The following SP3 variants were observed in gnomAD, a reference collection of about 807,000 sequenced individuals.
SP3 encodes Sp3 transcription factor.
Under a neutral mutation model 70.3 loss-of-function variants are expected in SP3, and 10 were observed. That is an observed-to-expected ratio of 0.14 (90% CI 0.09 to 0.24). The LOEUF (loss-of-function observed/expected upper bound fraction) is 0.24, where lower values mean the gene tolerates loss of function less well. Among genes scored for constraint, SP3 ranks in the 10% least tolerant of loss-of-function variants. The probability of loss-of-function intolerance (pLI) is 1.00; values close to 1 mark genes in which losing one functional copy is unlikely to be tolerated. For synonymous variants in SP3, 402 were observed against 333.5 expected (o/e 1.21, Z -2.24); for missense variants, 825 against 914.6 (o/e 0.90, Z 1.26).
intron 1 of SP3, 131 bp from the exon 2 acceptor site, chr2:173,964,684 C>CCGGTGG: frequency 2.6e-6 from 1 of 378,194 alleles, no homozygotes; most frequent in African/African-American, 2.7e-5. Context: ...CACCCGCCCC[C>CCGGTGG]CGGCGGCGGC....
At chr2:173,956,941 G>A (rs2105500914) in intron 3 of SP3, among the ~76,000 whole-genome samples, 1 of 152,228 alleles carries the variant, frequency 6.6e-6, no homozygotes, top group East Asian at 1.9e-4. Context: ...TATACCTTTT[G>A]TATTCTGGTG....
chr2:173,961,923 T>C (rs1691093448), intron 3 of SP3, among the ~76,000 whole-genome samples: 1 of 145,504 alleles, frequency 6.9e-6, no homozygotes, highest in Admixed American at 7.1e-5. Context: ...ACATCATAAA[T>C]ATATGGTTTG....
At chr2:173,912,110 C>T (rs775488557) in intron 6 of SP3, among the ~76,000 whole-genome samples, 20 of 152,202 alleles carry the variant, frequency 1.3e-4, no homozygotes, top group Admixed American at 3.9e-4. Context: ...TGGGCCAGCA[C>T]GCCCTGCAGC....
chr2:173,909,938 T>C lies in SP3; in HGVS notation c.*3A>G, dbSNP rs769876944. The C allele has an allele frequency of 5.0e-6, 8 of 1,607,816 alleles. No homozygotes were observed. Among genetic ancestry groups the C allele is most frequent in the Non-Finnish European group, 6.8e-6 (8 of 1,174,412 alleles). ...CCACAATGAATAAGTATTTGTGTAA[T>C]ATTTACTCCATTGTCTCATTTCCAG... is the stretch of plus-strand genomic sequence containing the variant. On this transcript the variant is annotated 3_prime_UTR_variant, in exon 7 of 7. Coordinates refer to ENST00000310015, the MANE Select transcript of SP3 (RefSeq NM_003111.5).
rs146574394 is a variant in SP3 at position 173,931,960 on chromosome 2, T to C, written c.1640-13175A>G. Among the ~76,000 whole-genome samples, 963 of 152,310 alleles carry C rather than the reference T, an allele frequency of 6.3e-3. 25 individuals are homozygous for C. The highest frequency in any genetic ancestry group is 0.01 in the East Asian group (54 of 5,176). ...CAGCAATGAGACTGTTTTGCTTTCTTATCACGTGTTCACTGGACTAGGACT... is the reference window on the plus strand; with the variant it reads ...CAGCAATGAGACTGTTTTGCTTTCTCATCACGTGTTCACTGGACTAGGACT... On this transcript the variant is annotated intron_variant, in intron 4 of 6. Coordinates refer to ENST00000310015, the MANE Select transcript of SP3 (RefSeq NM_003111.5).
rs373615718 is a variant in SP3 at position 173,913,019 on chromosome 2, T to C, written c.2029+51A>G. The C allele has an allele frequency of 1.9e-5, 26 of 1,368,858 alleles. No individual in the cohort carries two copies. In the African/African-American group the frequency reaches 3.2e-4, roughly 17 times the overall value. 84.8% of individuals were successfully genotyped at this position (1,368,858 alleles called of 1,614,324 possible). Reference sequence around the variant, plus strand: ...GCTAATAAAAAAGAAGTCAAGGCAGTTATGTAGCCCTATAATTCATTTTTG... The same window carrying C: ...GCTAATAAAAAAGAAGTCAAGGCAGCTATGTAGCCCTATAATTCATTTTTG... On this transcript the variant is annotated intron_variant, in intron 6 of 6. Transcript: ENST00000310015.
intron 3 of SP3, among the ~76,000 whole-genome samples, chr2:173,961,258 A>AAC (rs1221669355): frequency 1.3e-5 from 2 of 152,232 alleles, no homozygotes; most frequent in Non-Finnish European, 2.9e-5. Context: ...TGGGTAACCA[A>AAC]ACACCCTTGG....
intron 2 of SP3, chr2:173,964,187 A>T: frequency 2.2e-6 from 1 of 447,640 alleles, no homozygotes; most frequent in Non-Finnish European, 3.9e-6. Context: ...GCCCACACTC[A>T]CACGCGCACA....
chr2:173,930,766 A>C (rs567717377), intron 4 of SP3, among the ~76,000 whole-genome samples: 1 of 152,340 alleles, frequency 6.6e-6, no homozygotes, highest in Admixed American at 6.5e-5. Flanking sequence ...TTTTTGTTAG[A>C]GCATACTATT....
At chr2:173,921,833 C>A (rs1243654705) in intron 4 of SP3, among the ~76,000 whole-genome samples, 2 of 152,168 alleles carry the variant, frequency 1.3e-5, no homozygotes, top group African/African-American at 4.8e-5. Context: ...AATGGTTTAG[C>A]ACCACTGTCT....
intron 4 of SP3, among the ~76,000 whole-genome samples, chr2:173,936,401 C>T (rs1217898584): frequency 1.3e-5 from 2 of 152,278 alleles, no homozygotes; most frequent in South Asian, 2.1e-4. Flanking sequence ...GATTTATTCA[C>T]GTTATTCCTC....
At chr2:173,964,670 C>G in intron 1 of SP3, 117 bp from the exon 2 acceptor site, 1 of 428,508 alleles carries the variant, frequency 2.3e-6, no homozygotes, top group Non-Finnish European at 4.1e-6. Flanking sequence ...CCCTTCCCCT[C>G]CCCCACCCGC....
chr2:173,964,563 C>G lies in SP3; in HGVS notation c.8-10G>C, dbSNP rs1314108952. ...ACGGGCTTTTCGGGAGCTGCAGGCA[C>G]AGCGCGGGGGGGTGGGGGTGGGGAG... On this transcript the variant is annotated splice_polypyrimidine_tract_variant and intron_variant, in intron 1 of 6. Transcript: ENST00000310015. 10 of 599,752 alleles carry G rather than the reference C, an allele frequency of 1.7e-5. No homozygotes were observed. The highest frequency in any genetic ancestry group is 1.6e-4 in the Admixed American group (7 of 44,322). The allele number at this position is 599,752 out of a possible 1,614,324, so 37.2% of individuals were successfully genotyped here.
intron 5 of SP3, among the ~76,000 whole-genome samples, chr2:173,917,987 C>G (rs911836639): frequency 4.0e-5 from 6 of 149,012 alleles, no homozygotes; most frequent in Admixed American, 1.4e-4. Context: ...CAGTCTGGAT[C>G]TTGTTTTTTT....
rs1357170145 is a variant in SP3, at chr2:173,913,052, A to C, written c.2029+18T>G. 1.3e-6 allele frequency: 2 copies of C among 1,529,862 alleles called. No individual in the cohort carries two copies. Among genetic ancestry groups the C allele is most frequent in the African/African-American group, 2.8e-5 (2 of 72,582 alleles). The allele number at this position is 1,529,862 out of a possible 1,614,324, so 94.8% of individuals were successfully genotyped here. A position where few individuals can be genotyped will look rare whatever the true frequency, so the allele number is the denominator to read the frequency against. On this transcript the variant is annotated intron_variant, in intron 6 of 6. Coordinates refer to ENST00000310015, the MANE Select transcript of SP3 (RefSeq NM_003111.5). ...CCCTATAATTCATTTTTGTCTGTTAAAAGTAAGTATTAGTAACCTGTATGT... is the reference window on the plus strand; with the variant it reads ...CCCTATAATTCATTTTTGTCTGTTACAAGTAAGTATTAGTAACCTGTATGT...
rs1690887467 is a variant in SP3 at position 173,956,159 on chromosome 2, G to A, written c.353C>T (p.Thr118Ile). ...TAGATTACCAGCTTCATCTTTTATA[G>A]TTGTAGGTGTGGCTGACAAAACCTC... ...RWEVLSATPTTIKDEAGNLVQ... is the reference protein window; with the variant it reads ...RWEVLSATPTIIKDEAGNLVQ... Residue 118 changes from threonine to isoleucine, a missense_variant, in exon 4 of 7, where the codon ACT (threonine) becomes ATT (isoleucine). Physicochemically the swap from Thr to Ile is moderately conservative, Grantham distance 89. Around this residue, in one of 4 missense-constraint regions of SP3, gnomAD observed 678 missense variants for 651.6 expected, o/e 1.04. Transcript: ENST00000310015. 6.2e-7 allele frequency: 1 copy of A among 1,614,114 alleles called. No individual in the cohort carries two copies. The highest frequency in any genetic ancestry group is 8.5e-7 in the Non-Finnish European group (1 of 1,179,970).
At position 173,904,953 on chromosome 2, in the gene SP3, C is replaced by T. The variant is rs933259374; in HGVS notation, c.*4988G>A. Reference sequence around the variant, plus strand: ...GACTTTATCTTTCAGTCGCAATGAACCTGAAGATTCTTCGGCTGGTTTTTA... The same window carrying T: ...GACTTTATCTTTCAGTCGCAATGAATCTGAAGATTCTTCGGCTGGTTTTTA... On this transcript the variant is annotated 3_prime_UTR_variant, in exon 7 of 7. Coordinates refer to ENST00000310015, the MANE Select transcript of SP3 (RefSeq NM_003111.5). 6.6e-6 allele frequency among the ~76,000 whole-genome samples: 1 copy of T among 152,130 alleles called. No individual in the cohort carries two copies. The highest frequency in any genetic ancestry group is 1.5e-5 in the Non-Finnish European group (1 of 68,024).
intron 5 of SP3, chr2:173,915,044 T>C (rs536494913): frequency 6.6e-6 from 1 of 152,214 alleles, no homozygotes; most frequent in East Asian, 1.9e-4. Context: ...AACGCGCTTT[T>C]ACAAACTCAA....
At position 173,939,203 on chromosome 2, in the gene SP3, C is replaced by G. The variant is rs182512092; in HGVS notation, c.1639+15670G>C. On this transcript the variant is annotated intron_variant, in intron 4 of 6. Transcript: ENST00000310015. Reference sequence around the variant, plus strand: ...GAGCGCTGTAAGTTATCTGTAGACTCAACAGACCTCAATTTAAAGGTAATG... The same window carrying G: ...GAGCGCTGTAAGTTATCTGTAGACTGAACAGACCTCAATTTAAAGGTAATG... 1.4e-4 allele frequency among the ~76,000 whole-genome samples: 21 copies of G among 152,200 alleles called. No homozygotes were observed. In the South Asian group the frequency reaches 4.4e-3, roughly 32 times the overall value.
Sources: gnomAD v4.1 joint callset for allele counts (sites outside exome capture counted in the v4.1 genomes callset) on GRCh38, gnomAD v4.1.1 for gene constraint, gnomAD v4.1.1 regional missense constraint, MANE v1.5 for transcripts, NCBI Gene and HGNC (gene_info 2026-07-23, HGNC 2026-07-21) for gene names.